The following GPR108 variants were observed in gnomAD, a reference collection of about 807,000 sequenced individuals.
GPR108 encodes the protein G protein-coupled receptor 108.
A neutral mutation model predicts 74.3 loss-of-function variants in GPR108; 60 were observed. The observed-to-expected ratio is 0.81, with a 90% confidence interval of 0.66 to 1.00. The LOEUF (loss-of-function observed/expected upper bound fraction) is 1.00, where lower values mean the gene tolerates loss of function less well. Ranked by LOEUF, GPR108 falls within the 50% of genes least tolerant of loss-of-function variation. The pLI, the probability that GPR108 is intolerant of heterozygous loss-of-function variation, is 0.00. For missense variants in GPR108, 667 were observed against 703.3 expected (o/e 0.95, Z 0.58); for synonymous variants, 311 against 292.4 (o/e 1.06, Z -0.65).
chr19:6,731,560 GA>G, intron 14 of GPR108, 38 bp from the exon 15 acceptor site: 1 of 1,070,228 alleles, frequency 9.3e-7, no homozygotes, highest in Non-Finnish European at 1.3e-6. Flanking sequence ...AGGGGAGACT[GA>G]GGGTGGGAGG....
chr19:6,734,048 G>T lies in GPR108; in HGVS notation c.506C>A (p.Thr169Asn). The change falls in exon 6 of 18, where the codon ACC becomes AAC. Residue 169 changes from threonine to asparagine, a missense_variant. Thr to Asn is a moderately conservative substitution (Grantham distance 65). Transcript: ENST00000264080. ...TGACTTGGGCTTGCTGGCTGCAGAG[G>T]TCCCTCCTGTAAGAGACCGGGCAGT... ...TVPRKVDGGGTSAASKPKSTP... is the reference protein window; with the variant it reads ...TVPRKVDGGGNSAASKPKSTP... 6.2e-7 allele frequency: 1 copy of T among 1,614,182 alleles called. No individual in the cohort carries two copies. The highest frequency in any genetic ancestry group is 8.5e-7 in the Non-Finnish European group (1 of 1,180,026).
chr19:6,731,147 C>T (rs760539712), intron 16 of GPR108, 36 bp from the exon 17 acceptor site: 2 of 1,608,956 alleles, frequency 1.2e-6, no homozygotes, highest in South Asian at 1.1e-5. Flanking sequence ...GTCAGGCGCA[C>T]CCCCACCCCC....
chr19:6,735,199 T>C (rs1433337122), intron 4 of GPR108, among the ~76,000 whole-genome samples: 2 of 152,152 alleles, frequency 1.3e-5, no homozygotes, highest in Non-Finnish European at 2.9e-5. Context: ...CTAAGTATAT[T>C]ATTTAAAAAG....
chr19:6,735,846 A>G lies in GPR108; in HGVS notation c.291+62T>C, dbSNP rs1227225557. On this transcript the variant is annotated intron_variant, in intron 3 of 17. Coordinates refer to ENST00000264080, the MANE Select transcript of GPR108 (RefSeq NM_001080452.2). ...AGGGGCCCTTGGGTTACAGATGCAG[A>G]GGACAGACCCTACCCCCTCCCTCCA... 3.2e-6 allele frequency: 5 copies of G among 1,564,202 alleles called. No individual in the cohort carries two copies. In the East Asian group the frequency reaches 1.1e-4, roughly 36 times the overall value.
At chr19:6,735,321 A>G in intron 4 of GPR108, 1 of 277,308 alleles carries the variant, frequency 3.6e-6, no homozygotes, top group Non-Finnish European at 6.8e-6. Flanking sequence ...TCACAGGATA[A>G]GGAATGGGTG....
In GPR108 at chr19:6,734,070, C is replaced by A. The variant is rs929785672; in HGVS notation, c.500-16G>T. On this transcript the variant is annotated splice_polypyrimidine_tract_variant and intron_variant, in intron 5 of 17. Transcript: ENST00000264080. ...GAGGTCCCTCCTGTAAGAGACCGGGCAGTGATTTTAAGAGATGGATGGATG... is the reference window on the plus strand; with the variant it reads ...GAGGTCCCTCCTGTAAGAGACCGGGAAGTGATTTTAAGAGATGGATGGATG... 4 of 1,614,006 alleles carry A rather than the reference C, an allele frequency of 2.5e-6. No individual in the cohort carries two copies. In the African/African-American group the frequency reaches 4.0e-5, roughly 16 times the overall value.
intron 14 of GPR108, 37 bp from the exon 15 acceptor site, chr19:6,731,559 T>C (rs1171622105): frequency 5.1e-5 from 4 of 78,368 alleles, no homozygotes; most frequent in Admixed American, 8.1e-4. Flanking sequence ...CAGGGGAGAC[T>C]GAGGGTGGGA....
At chr19:6,733,695 G>A (rs1968516938) in intron 7 of GPR108, 21 bp from the exon 8 acceptor site, 1 of 1,609,832 alleles carries the variant, frequency 6.2e-7, no homozygotes, top group Non-Finnish European at 8.5e-7. Flanking sequence ...GGGGAGAGAG[G>A]AGGGCTCAGC....
intron 1 of GPR108, chr19:6,737,005 C>T (rs1968665312): frequency 4.5e-6 from 2 of 439,680 alleles, no homozygotes; most frequent in African/African-American, 3.9e-5. Context: ...CGTGCCTGAC[C>T]TTCACCTTCC....
In GPR108 at chr19:6,733,582, T is replaced by G. The variant is rs1968511815; in HGVS notation, c.711A>C (p.Pro237=). 3 of 1,613,944 alleles carry G rather than the reference T, an allele frequency of 1.9e-6. No individual in the cohort carries two copies. The highest frequency in any genetic ancestry group is 1.3e-5 in the African/African-American group (1 of 74,950). ...CNNSVPGKEH[P]FDITVMIREK... is the part of the protein sequence containing the mutation. ...CCACTCCGCTCACCGTGATGTCGAATGGATGCTCCTTTCCTGGCACTGAAT... is the reference window on the plus strand; with the variant it reads ...CCACTCCGCTCACCGTGATGTCGAAGGGATGCTCCTTTCCTGGCACTGAAT... The change falls in exon 8 of 18, where the codon CCA becomes CCC. Residue 237 remains proline, a synonymous_variant. Transcript: ENST00000264080.
rs73500311 is a variant in GPR108 at position 6,729,971 on chromosome 19, G to A, written c.*341C>T. 3.5e-3 allele frequency: 1,002 copies of A among 284,122 alleles called. 12 individuals are homozygous for A. The highest frequency in any genetic ancestry group is 0.021 in the African/African-American group (944 of 45,638). 17.6% of individuals were successfully genotyped at this position (284,122 alleles called of 1,614,324 possible). A position where few individuals can be genotyped will look rare whatever the true frequency, so the allele number is the denominator to read the frequency against. ...ACACGGACCCTGTGCCCGCGCCCCC[G>A]CCACACACAGCGAAAACAGGTTTCT... On this transcript the variant is annotated 3_prime_UTR_variant, in exon 18 of 18. Transcript: ENST00000264080.
Position 6,733,038 on chromosome 19 carries a change from C to A in GPR108, c.882G>T (p.Trp294Cys), listed in dbSNP as rs201030646. 1.1e-4 allele frequency: 181 copies of A among 1,612,940 alleles called. No homozygotes were observed. In the African/African-American group the frequency reaches 1.9e-3, roughly 17 times the overall value. ...RNTYSVFKIHWLMAALAFTKS... is the reference protein window; with the variant it reads ...RNTYSVFKIHCLMAALAFTKS... ...TGGTGAAGGCCAAGGCCGCCATGAGCCAGTGGATCTTGAAGACGCTGTACC... is the reference window on the plus strand; with the variant it reads ...TGGTGAAGGCCAAGGCCGCCATGAGACAGTGGATCTTGAAGACGCTGTACC... The change falls in exon 10 of 18, where the codon TGG (tryptophan) becomes TGT (cysteine). Residue 294 changes from tryptophan to cysteine, a missense_variant. Physicochemically the swap from Trp to Cys is radical, Grantham distance 215. Transcript: ENST00000264080.
intron 1 of GPR108, 84 bp downstream of exon 1, chr19:6,737,373 G>A: frequency 6.9e-7 from 1 of 1,447,818 alleles, no homozygotes; most frequent in Admixed American, 2.6e-5. Context: ...ACGGGGGAGG[G>A]CGGACGAGAC....
intron 2 of GPR108, 115 bp downstream of exon 2, chr19:6,736,477 G>A: frequency 9.3e-7 from 1 of 1,078,256 alleles, no homozygotes; most frequent in East Asian, 2.6e-5. Flanking sequence ...GACGAAACAG[G>A]CTCAGAGAGA....
chr19:6,737,516 G>C lies in GPR108; in HGVS notation c.61C>G (p.Leu21Val), dbSNP rs762420074. ...CCACCCAGCAGCAGCACCAGAAGTA[G>C]CCGCTGCCCCCACTCCGCGGGGCTC... Reference protein sequence around the residue: ...RGSPAEWGQRLLLVLLLGGCS... With the variant: ...RGSPAEWGQRVLLVLLLGGCS... The change falls in exon 1 of 18, where the codon CTA (leucine) becomes GTA (valine). Residue 21 changes from leucine to valine, a missense_variant. By Grantham distance (32) the Leu-to-Val change is conservative. Transcript: ENST00000264080. 1.3e-6 allele frequency: 2 copies of C among 1,577,352 alleles called. No individual in the cohort carries two copies. Among genetic ancestry groups the C allele is most frequent in the East Asian group, 2.4e-5 (1 of 42,488 alleles).
chr19:6,735,334 T>G, intron 4 of GPR108: 3 of 314,932 alleles, frequency 9.5e-6, no homozygotes, highest in Non-Finnish European at 1.8e-5. Flanking sequence ...AATGGGTGAG[T>G]TAGTGTATTA....
At chr19:6,736,874 G>C (rs1019051094) in intron 1 of GPR108, 163 bp from the exon 2 acceptor site, 2 of 924,726 alleles carry the variant, frequency 2.2e-6, no homozygotes, top group African/African-American at 1.7e-5. Context: ...CTCCCTGCAG[G>C]GGAAGGGTGG....
rs764000511 is a variant in GPR108, at chr19:6,734,007, G to A, written c.547C>T (p.Gln183Ter). 4 of 1,614,166 alleles carry A rather than the reference G, an allele frequency of 2.5e-6. No homozygotes were observed. The South Asian group carries it at 4.4e-5, about 18-fold the overall frequency. Residue 183 changes from glutamine to a stop codon, truncating the protein, a stop_gained and splice_region_variant, in exon 6 of 18, where the codon CAG (glutamine) becomes TAG (stop). Transcript: ENST00000264080. LOFTEE classifies it high-confidence loss of function. ...SKPKSTPAVI[Q>*]GPSGKDKDLV... is the part of the protein sequence containing the mutation. The stretch of plus-strand genomic sequence containing the variant: ...CTCCTGCCCCGCCTCCCCGAAACCT[G>A]AATCACTGCGGGTGTTGACTTGGGC...
At chr19:6,730,414 C>G (rs373802155) in intron 17 of GPR108, 30 bp from the exon 18 acceptor site, 3 of 1,593,760 alleles carry the variant, frequency 1.9e-6, no homozygotes, top group Non-Finnish European at 2.6e-6. Context: ...AGGCGTCTAG[C>G]GTTGCAGGGC....
Sources: gnomAD v4.1 joint callset for allele counts (sites outside exome capture counted in the v4.1 genomes callset) on GRCh38, gnomAD v4.1.1 for gene constraint, MANE v1.5 for transcripts, NCBI Gene and HGNC (gene_info 2026-07-23, HGNC 2026-07-21) for gene names.